MPRIP: variants seen among roughly 807,000 people sequenced by gnomAD.
MPRIP encodes the protein myosin phosphatase Rho-interacting protein.
A neutral mutation model predicts 234.9 loss-of-function variants in MPRIP; 59 were observed. That is an observed-to-expected ratio of 0.25 (90% CI 0.20 to 0.31). MPRIP has a LOEUF of 0.31. Ranked by LOEUF, MPRIP falls within the 10% of genes least tolerant of loss-of-function variation. The pLI, the probability that MPRIP is intolerant of heterozygous loss-of-function variation, is 1.00. For synonymous variants in MPRIP, 1,144 were observed against 1,263.9 expected (o/e 0.91, Z 2.01); for missense variants, 2,436 against 3,071.0 (o/e 0.79, Z 4.89).
At position 17,078,938 on chromosome 17, in the gene MPRIP, C is replaced by T. The variant is rs2089398464; in HGVS notation, c.267+862C>T. 6.6e-6 allele frequency among the ~76,000 whole-genome samples: 1 copy of T among 152,164 alleles called. No individual in the cohort carries two copies. Among genetic ancestry groups the T allele is most frequent in the Non-Finnish European group, 1.5e-5 (1 of 68,030 alleles). ...TTGGGACTGTCCTGGAAAGCCTAGT[C>T]TCACTATGTAAAATAGGCAGCCCCT... On this transcript the variant is annotated intron_variant, in intron 3 of 23. Coordinates refer to ENST00000651222, the MANE Select transcript of MPRIP (RefSeq NM_001364716.4). The surrounding 1 kb of genome is among the most constrained non-coding windows in gnomAD (Gnocchi z 4.3).
At chr17:17,108,924 C>T (rs2090115231) in intron 3 of MPRIP, among the ~76,000 whole-genome samples, 1 of 152,070 alleles carries the variant, frequency 6.6e-6, no homozygotes, top group Non-Finnish European at 1.5e-5. Flanking sequence ...TCTGAAGCCA[C>T]CAGTGGCAGC....
chr17:17,165,316 C>T lies in MPRIP; in HGVS notation c.3725C>T (p.Thr1242Ile), dbSNP rs1415149944. Residue 1242 changes from threonine (T) to isoleucine (I), a missense_variant, in exon 16 of 24, where the codon ACT (threonine) becomes ATT (isoleucine). Physicochemically the swap from Thr to Ile is moderately conservative, Grantham distance 89. Transcript: ENST00000651222. ...CCTGAAGAGACAGAAAGGGATGGCA[C>T]TTTGCTCCCAGGCCAACCAGTCCAA... ...STPEETERDG[T>I]LLPGQPVQAT... The T allele has an allele frequency of 1.5e-6, 2 of 1,304,076 alleles. No homozygotes were observed. The highest frequency in any genetic ancestry group is 2.5e-5 in the South Asian group (2 of 81,036). The allele number at this position is 1,304,076 out of a possible 1,614,324, so 80.8% of individuals were successfully genotyped here. A position where few individuals can be genotyped will look rare whatever the true frequency, so the allele number is the denominator to read the frequency against.
At chr17:17,053,321 CTG>C (rs1281016711) in intron 1 of MPRIP, among the ~76,000 whole-genome samples, 2 of 152,040 alleles carry the variant, frequency 1.3e-5, no homozygotes, top group Non-Finnish European at 2.9e-5. Flanking sequence ...CATCTGAAAA[CTG>C]GGGGGTTATA....
intron 3 of MPRIP, among the ~76,000 whole-genome samples, chr17:17,092,026 G>A (rs1342490354): frequency 6.6e-6 from 1 of 152,232 alleles, no homozygotes; most frequent in East Asian, 1.9e-4. Context: ...GAGGGTGCTG[G>A]AGCCCAGCGT....
chr17:17,168,022 G>C (rs1284791457), intron 16 of MPRIP, 107 bp downstream of exon 16: 1 of 891,222 alleles, frequency 1.1e-6, no homozygotes, highest in Non-Finnish European at 1.5e-6. Flanking sequence ...GGGATATGCT[G>C]CTGTCCCTCT....
At chr17:17,079,628 A>G (rs1292630132) in intron 3 of MPRIP, among the ~76,000 whole-genome samples, 2 of 152,222 alleles carry the variant, frequency 1.3e-5, no homozygotes, top group Non-Finnish European at 1.5e-5. Context: ...AGGAGCCTCA[A>G]GAGGTCACTG....
chr17:17,153,142 A>G (rs955632211), intron 12 of MPRIP, among the ~76,000 whole-genome samples: 1 of 152,150 alleles, frequency 6.6e-6, no homozygotes, highest in African/African-American at 2.4e-5. Flanking sequence ...AGAACTGATG[A>G]AGGAGGACCG....
chr17:17,084,299 T>C (rs2089534243), intron 3 of MPRIP, among the ~76,000 whole-genome samples: 1 of 152,026 alleles, frequency 6.6e-6, no homozygotes, highest in Admixed American at 6.5e-5. Context: ...ATGTGTAGGC[T>C]CTTAAAGGCG....
intron 1 of MPRIP, among the ~76,000 whole-genome samples, chr17:17,064,306 A>G (rs948000449): frequency 6.6e-6 from 1 of 150,558 alleles, no homozygotes; most frequent in African/African-American, 2.5e-5. Context: ...GGTTGAAGCG[A>G]TTCTCCTGCC....
intron 3 of MPRIP, among the ~76,000 whole-genome samples, chr17:17,083,943 G>C (rs9907109): frequency 0.44 from 66,588 of 152,030 alleles, 17,453 homozygotes; most frequent in East Asian, 0.7. Flanking sequence ...CGGTTTCATC[G>C]TGTTAGCCAG....
chr17:17,168,940 G>T, intron 16 of MPRIP: 1 of 456,906 alleles, frequency 2.2e-6, no homozygotes, highest in African/African-American at 2.0e-5. Flanking sequence ...CAGGACACCT[G>T]TTTTTCCCAG....
intron 3 of MPRIP, among the ~76,000 whole-genome samples, chr17:17,082,318 G>A (rs1445309128): frequency 1.2e-4 from 11 of 95,474 alleles, no homozygotes; most frequent in Admixed American, 5.8e-4. Context: ...TTTTTGAGAC[G>A]GAGTTTCGCT....
chr17:17,104,830 C>T (rs1306204852), intron 3 of MPRIP, among the ~76,000 whole-genome samples: 1 of 152,148 alleles, frequency 6.6e-6, no homozygotes, highest in East Asian at 1.9e-4. Flanking sequence ...TGGTATGGGC[C>T]ACCAGCTTTG....
At chr17:17,116,632 C>T (rs1179249912) in intron 3 of MPRIP, among the ~76,000 whole-genome samples, 5 of 152,238 alleles carry the variant, frequency 3.3e-5, no homozygotes, top group African/African-American at 4.8e-5. Flanking sequence ...AAGCCTCCCA[C>T]GGAACTCCCA....
At chr17:17,098,238 C>A (rs1300070662) in intron 3 of MPRIP, among the ~76,000 whole-genome samples, 1 of 152,202 alleles carries the variant, frequency 6.6e-6, no homozygotes, top group Admixed American at 6.5e-5. Context: ...CAACCTCTTT[C>A]CCCAGAACCT....
intron 4 of MPRIP, 97 bp downstream of exon 4, chr17:17,126,950 A>G (rs567093431): frequency 1.4e-5 from 20 of 1,433,010 alleles, no homozygotes; most frequent in Middle Eastern, 1.8e-4. Flanking sequence ...GATGTTGTCT[A>G]CTTCCCCGTG....
intron 3 of MPRIP, among the ~76,000 whole-genome samples, chr17:17,087,601 G>A (rs1002890672): frequency 6.6e-6 from 1 of 152,208 alleles, no homozygotes; most frequent in Non-Finnish European, 1.5e-5. Flanking sequence ...AGTCCTCCCT[G>A]TGTTCCTAAC....
At chr17:17,159,768 A>G (rs2045821874) in intron 14 of MPRIP, among the ~76,000 whole-genome samples, 1 of 152,148 alleles carries the variant, frequency 6.6e-6, no homozygotes, top group South Asian at 2.1e-4. Context: ...TTCACTCTCC[A>G]TTTAGGGACA....
intron 16 of MPRIP, chr17:17,170,100 A>G (rs974908762): frequency 3.9e-5 from 6 of 151,960 alleles, no homozygotes; most frequent in Non-Finnish European, 7.4e-5. Context: ...TTTTAGCAGC[A>G]TATATACTAA....
Sources: allele counts gnomAD v4.1 joint callset (sites outside exome capture counted in the v4.1 genomes callset), GRCh38; gene constraint gnomAD v4.1.1; non-coding constraint Gnocchi (gnomAD v3.1); transcripts MANE v1.5; gene names NCBI Gene and HGNC (gene_info 2026-07-23, HGNC 2026-07-21).